ADRM1: variants seen among roughly 807,000 people sequenced by gnomAD.
ADRM1 encodes the protein proteasomal ubiquitin receptor ADRM1.
A neutral mutation model predicts 40.1 loss-of-function variants in ADRM1; 2 were observed. The ratio of observed to expected loss-of-function variants is 0.05; its 90% CI spans 0.02 to 0.16. ADRM1 has a LOEUF of 0.16. Among genes scored for constraint, ADRM1 ranks in the 10% least tolerant of loss-of-function variants. The pLI is 1.00. For synonymous variants in ADRM1, 287 were observed against 240.4 expected (o/e 1.19, Z -1.79); for missense variants, 467 against 552.5 (o/e 0.85, Z 1.55).
intron 9 of ADRM1, 74 bp downstream of exon 9, chr20:62,308,544 A>G (rs1359592495): frequency 2.6e-6 from 4 of 1,559,554 alleles, no homozygotes; most frequent in Non-Finnish European, 3.5e-6. Context: ...GATCTGCAGA[A>G]GTGGGGCTGA....
At chr20:62,307,345 A>G (rs1288151395) in intron 5 of ADRM1, 26 bp from the exon 6 acceptor site, 2 of 1,592,234 alleles carry the variant, frequency 1.3e-6, no homozygotes, top group Admixed American at 1.8e-5. Flanking sequence ...GGGCATCCTG[A>G]GCTCGCATTT....
chr20:62,303,765 C>G lies in ADRM1; in HGVS notation c.197C>G (p.Ser66Cys). ...LIHFCWKDRT[S>C]GNVEDDLIIF... ...CACTTCTGCTGGAAGGACAGGACGT[C>G]CGGGAACGTGGAAGACGTGAGTGTC... is the stretch of plus-strand genomic sequence containing the variant. Residue 66 changes from serine (S) to cysteine (C), a missense_variant, in exon 2 of 10, where the codon TCC (serine) becomes TGC (cysteine). Physicochemically the swap from Ser to Cys is moderately radical, Grantham distance 112. This residue lies in a region of ADRM1 where 418 missense variants were observed against 474.6 expected (regional missense o/e 0.88). Transcript: ENST00000253003. The G allele has an allele frequency of 1.2e-6, 2 of 1,611,204 alleles. No homozygotes were observed. Among genetic ancestry groups the G allele is most frequent in the Non-Finnish European group, 1.7e-6 (2 of 1,179,828 alleles).
chr20:62,304,181 T>G, intron 2 of ADRM1: 2 of 503,712 alleles, frequency 4.0e-6, no homozygotes, highest in Non-Finnish European at 3.6e-6. Context: ...CAGCGTTGAC[T>G]TTTTAACTAC....
rs750040551 is a variant in ADRM1 at position 62,303,560 on chromosome 20, G to C, written c.-1-8G>C. ...CGCCGCGTCTCAGCGTCCTCTCCGC[G>C]CTTTCAGGATGACGACCTCAGGCGC... is the stretch of plus-strand genomic sequence containing the variant. On this transcript the variant is annotated splice_polypyrimidine_tract_variant and splice_region_variant and intron_variant, in intron 1 of 9. Coordinates refer to ENST00000253003, the MANE Select transcript of ADRM1 (RefSeq NM_007002.4). 2 of 1,562,752 alleles carry C rather than the reference G, an allele frequency of 1.3e-6. No homozygotes were observed. The highest frequency in any genetic ancestry group is 1.7e-6 in the Non-Finnish European group (2 of 1,154,006).
intron 3 of ADRM1, 176 bp from the exon 4 acceptor site, chr20:62,306,021 G>A (rs796519294): frequency 5.3e-6 from 4 of 757,678 alleles, no homozygotes; most frequent in African/African-American, 3.5e-5. Flanking sequence ...CTCAGGAGGC[G>A]CCACTGCCGT....
intron 7 of ADRM1, 61 bp downstream of exon 7, chr20:62,307,889 C>G: frequency 6.4e-7 from 1 of 1,556,416 alleles, no homozygotes; most frequent in Non-Finnish European, 8.7e-7. Flanking sequence ...CCCTCGCACG[C>G]TCACCTTCCA....
At chr20:62,305,159 C>T (rs753766400) in intron 3 of ADRM1, among the ~76,000 whole-genome samples, 1 of 152,212 alleles carries the variant, frequency 6.6e-6, no homozygotes, top group Non-Finnish European at 1.5e-5. Context: ...AAGAATTTCC[C>T]GGTACACAGA....
chr20:62,302,986 C>G (rs1460153487), upstream of ADRM1: 2 of 152,128 alleles, frequency 1.3e-5, no homozygotes, highest in Non-Finnish European at 2.9e-5. Context: ...CGGGGCCCGG[C>G]AGGCGCCGAG....
At position 62,308,445 on chromosome 20, in the gene ADRM1, G is replaced by A. The variant is rs748679926; in HGVS notation, c.1092G>A (p.Glu364=). Residue 364 remains glutamate (E), a synonymous_variant, in exon 9 of 10, where the codon GAG becomes GAA. Transcript: ENST00000253003. Reference sequence around the variant, plus strand: ...TGTGCCAGTTCGGTCTGCCTGCAGAGGCTGTGGAGGCCGCCAACAAGGGCG... The same window carrying A: ...TGTGCCAGTTCGGTCTGCCTGCAGAAGCTGTGGAGGCCGCCAACAAGGGCG... ...PLMCQFGLPA[E]AVEAANKGDV... 6.2e-7 allele frequency: 1 copy of A among 1,608,436 alleles called. No homozygotes were observed. The highest frequency in any genetic ancestry group is 1.7e-5 in the Admixed American group (1 of 59,420).
chr20:62,303,833 G>C (rs1034778951), intron 2 of ADRM1, 52 bp downstream of exon 2: 5 of 1,575,796 alleles, frequency 3.2e-6, no homozygotes, highest in Non-Finnish European at 4.3e-6. Context: ...CGGGCCCTCG[G>C]AGTCCTCGCT....
chr20:62,307,413 T>G lies in ADRM1; in HGVS notation c.584T>G (p.Leu195Arg). The change falls in exon 6 of 10, where the codon CTG (leucine) becomes CGG (arginine). Residue 195 changes from leucine (L) to arginine (R), a missense_variant. By Grantham distance (102) the Leu-to-Arg change is moderately radical (BLOSUM62 -2). Transcript: ENST00000253003. ...ALTGPGLASL[L>R]GSSGPPGSSS... ...ACTGGACCTGGCCTGGCCAGCTTAC[T>G]GGGGAGCAGTGGGCCTCCAGGGAGC... 1.2e-6 allele frequency: 2 copies of G among 1,606,178 alleles called. No homozygotes were observed. The highest frequency in any genetic ancestry group is 8.5e-7 in the Non-Finnish European group (1 of 1,178,280).
intron 5 of ADRM1, 84 bp downstream of exon 5, chr20:62,306,818 G>A (rs1985054734): frequency 3.1e-6 from 4 of 1,298,512 alleles, no homozygotes; most frequent in Non-Finnish European, 4.2e-6. Context: ...AACTTCTGCT[G>A]GCTCTGTCTG....
intron 1 of ADRM1, chr20:62,303,361 G>C (rs1248880023): frequency 1.9e-6 from 1 of 514,602 alleles, no homozygotes; most frequent in Non-Finnish European, 3.4e-6. Context: ...ACTAGGCTTG[G>C]CGGGGCTGCC....
chr20:62,304,321 C>G lies in ADRM1; in HGVS notation c.214-140C>G, dbSNP rs768942184. 3 of 662,370 alleles carry G rather than the reference C, an allele frequency of 4.5e-6. No homozygotes were observed. The African/African-American group carries it at 5.4e-5, about 12-fold the overall frequency. 41.0% of individuals were successfully genotyped at this position (662,370 alleles called of 1,614,324 possible). ...CCCTGGCTTCTCTGCCTTGTGGAGA[C>G]CCTGCCAGCGAGGGGTCTGGCGGCT... On this transcript the variant is annotated intron_variant, in intron 2 of 9. Transcript: ENST00000253003.
At chr20:62,304,718 G>A in intron 3 of ADRM1, 141 bp downstream of exon 3, 1 of 796,006 alleles carries the variant, frequency 1.3e-6, no homozygotes, top group South Asian at 1.5e-5. Context: ...TGCCACCTCA[G>A]GGCTGCGGTG....
chr20:62,307,792 A>G lies in ADRM1; in HGVS notation c.820A>G (p.Met274Val). The part of the protein sequence containing the change: ...LSDLQSILAT[M>V]NVPAGPAGGQ... ...CGACCTCCAGAGCATCCTGGCCACG[A>G]TGAACGTACCAGCCGGGCCAGCAGG... Residue 274 changes from methionine (M) to valine (V), a missense_variant, in exon 7 of 10, where the codon ATG (methionine) becomes GTG (valine). Met to Val is a conservative substitution (Grantham distance 21). Coordinates refer to ENST00000253003, the MANE Select transcript of ADRM1 (RefSeq NM_007002.4). The G allele has an allele frequency of 1.2e-6, 2 of 1,610,858 alleles. No homozygotes were observed. Among genetic ancestry groups the G allele is most frequent in the Non-Finnish European group, 1.7e-6 (2 of 1,179,372 alleles).
rs540128306 is a variant in ADRM1 at position 62,304,690 on chromosome 20, C to T, written c.330+113C>T. On this transcript the variant is annotated intron_variant, in intron 3 of 9. Coordinates refer to ENST00000253003, the MANE Select transcript of ADRM1 (RefSeq NM_007002.4). ...TAAACCAGCAGGCGCCGGCCACACC[C>T]GGCCACACGGCCTGAGATGCCACCT... The T allele has an allele frequency of 3.4e-4, 344 of 1,008,318 alleles. 1 individual carries two copies. In the Middle Eastern group the frequency reaches 6.5e-3, roughly 19 times the overall value. 62.5% of individuals were successfully genotyped at this position (1,008,318 alleles called of 1,614,324 possible). A position where few individuals can be genotyped will look rare whatever the true frequency, so the allele number is the denominator to read the frequency against.
At position 62,308,110 on chromosome 20, in the gene ADRM1, T is replaced by C; in HGVS notation, c.946T>C (p.Ser316Pro). The C allele has an allele frequency of 6.2e-7, 1 of 1,611,192 alleles. No individual in the cohort carries two copies. Among genetic ancestry groups the C allele is most frequent in the Non-Finnish European group, 8.5e-7 (1 of 1,179,866 alleles). Residue 316 changes from serine (S) to proline (P), a missense_variant, in exon 8 of 10, where the codon TCT becomes CCT. Coordinates refer to ENST00000253003, the MANE Select transcript of ADRM1 (RefSeq NM_007002.4). ...VQERLLPYLP[S>P]GESLPQTADE... is the part of the protein sequence containing the mutation. ...GGAGCGCCTGCTTCCCTACTTGCCA[T>C]CTGGGGAGTCGCTGCCGCAGACCGC...
Position 62,306,644 on chromosome 20 carries a change from C to T in ADRM1, c.455-4C>T, listed in dbSNP as rs1257006076. The T allele has an allele frequency of 2.5e-6, 4 of 1,605,614 alleles. No individual in the cohort carries two copies. Among genetic ancestry groups the T allele is most frequent in the African/African-American group, 2.7e-5 (2 of 74,840 alleles). The stretch of plus-strand genomic sequence containing the variant: ...AGGCCCGCCTGAGCTGCAGTGTTTT[C>T]CAGGTGAGGGTGGCCTGCAGAGCCT... On this transcript the variant is annotated splice_region_variant and splice_polypyrimidine_tract_variant and intron_variant, in intron 4 of 9. Coordinates refer to ENST00000253003, the MANE Select transcript of ADRM1 (RefSeq NM_007002.4).
Sources: gnomAD v4.1 joint callset for allele counts (sites outside exome capture counted in the v4.1 genomes callset) on GRCh38, gnomAD v4.1.1 for gene constraint, gnomAD v4.1.1 regional missense constraint, MANE v1.5 for transcripts, NCBI Gene and HGNC (gene_info 2026-07-23, HGNC 2026-07-21) for gene names.